MYO16: variants seen among roughly 807,000 people sequenced by gnomAD.
MYO16 encodes the protein myosin XVI.
Under a neutral mutation model 205.3 loss-of-function variants are expected in MYO16, and 94 were observed. The ratio of observed to expected loss-of-function variants is 0.46; its 90% CI spans 0.39 to 0.54. The LOEUF (loss-of-function observed/expected upper bound fraction) is 0.54, where lower values mean the gene tolerates loss of function less well. MYO16 is among the 20% of genes least tolerant of loss of function. The pLI, the probability that MYO16 is intolerant of heterozygous loss-of-function variation, is 0.00. For missense variants in MYO16, 2,315 were observed against 2,387.5 expected (o/e 0.97, Z 0.63); for synonymous variants, 988 against 954.0 (o/e 1.04, Z -0.66).
chr13:108,825,534 A>T (rs1765817), intron 9 of MYO16, among the ~76,000 whole-genome samples: 4,228 of 152,008 alleles, frequency 0.028, 180 homozygotes, highest in African/African-American at 0.094. Flanking sequence ...TCACCAGCTC[A>T]GTTCAACATT....
At chr13:108,863,981 A>G (rs1878580661) in intron 11 of MYO16, among the ~76,000 whole-genome samples, 1 of 152,152 alleles carries the variant, frequency 6.6e-6, no homozygotes. Flanking sequence ...TCATAATACC[A>G]TCTTCATCTG....
chr13:108,670,034 T>C (rs1019121406), intron 2 of MYO16, among the ~76,000 whole-genome samples: 4 of 152,188 alleles, frequency 2.6e-5, no homozygotes, highest in African/African-American at 7.2e-5. Context: ...GGCATATGTA[T>C]ACCTATGTAA....
rs1158879237 is a variant in MYO16 at position 108,972,249 on chromosome 13, CTATATATA to C, written c.2369+7371_2369+7378del. Among the ~76,000 whole-genome samples, 12 of 2,850 alleles carry C rather than the reference CTATATATA, an allele frequency of 4.2e-3. 1 individual carries two copies. Among genetic ancestry groups the C allele is most frequent in the South Asian group, 0.014 (1 of 70 alleles). The allele number at this position is 2,850 out of a possible 152,430, so 1.9% of individuals were successfully genotyped here. On this transcript the variant is annotated intron_variant, in intron 20 of 34. Transcript: ENST00000457511. ...TCTCTCTCTCTCTCTCTCTCTCTCTCTATATATATATATATATATATATATATATATTT... is the reference window on the plus strand; with the variant it reads ...TCTCTCTCTCTCTCTCTCTCTCTCTCTATATATATATATATATATATATTT...
At chr13:108,822,065 A>G (rs1876003916) in intron 8 of MYO16, among the ~76,000 whole-genome samples, 1 of 152,216 alleles carries the variant, frequency 6.6e-6, no homozygotes, top group Admixed American at 6.5e-5. Context: ...GCAAGAATAG[A>G]GCAGAGAACA....
intron 17 of MYO16, among the ~76,000 whole-genome samples, chr13:108,960,702 C>T (rs1201818149): frequency 1.3e-5 from 2 of 152,174 alleles, no homozygotes; most frequent in Non-Finnish European, 1.5e-5. Context: ...TTGCCCTTCA[C>T]GGGGCTCAAC....
intron 16 of MYO16, among the ~76,000 whole-genome samples, chr13:108,957,418 T>C: frequency 6.8e-6 from 1 of 147,434 alleles, no homozygotes; most frequent in Admixed American, 6.8e-5. Flanking sequence ...CATGAATCAC[T>C]TGTGACCTTC....
the MYO16 span, among the ~76,000 whole-genome samples, chr13:108,581,138 A>G: frequency 1.1e-5 from 1 of 92,532 alleles, no homozygotes; most frequent in African/African-American, 3.0e-5. Context: ...ACATTTTAGG[A>G]TATTATTTTT....
chr13:108,768,142 T>C (rs1367124310), intron 4 of MYO16, among the ~76,000 whole-genome samples: 1 of 152,208 alleles, frequency 6.6e-6, no homozygotes, highest in Non-Finnish European at 1.5e-5. Flanking sequence ...CTTTTCACTA[T>C]GCCATGTGTC....
intron 4 of MYO16, among the ~76,000 whole-genome samples, chr13:108,783,102 A>C (rs951777626): frequency 6.6e-6 from 1 of 152,100 alleles, no homozygotes; most frequent in African/African-American, 2.4e-5. Flanking sequence ...GACAGCTTGC[A>C]CCATGAGCCT....
At chr13:109,084,520 A>T (rs1458815985) in intron 27 of MYO16, among the ~76,000 whole-genome samples, 1 of 152,070 alleles carries the variant, frequency 6.6e-6, no homozygotes, top group African/African-American at 2.4e-5. Flanking sequence ...GCCATACATC[A>T]CTCGTGTATA....
intron 2 of MYO16, among the ~76,000 whole-genome samples, chr13:108,676,181 A>G (rs183148453): frequency 1.3e-5 from 2 of 152,306 alleles, no homozygotes; most frequent in East Asian, 1.9e-4. Flanking sequence ...TCATATTTTA[A>G]ATTATGATAA....
intron 9 of MYO16, among the ~76,000 whole-genome samples, chr13:108,824,471 G>C (rs1485967463): frequency 6.6e-6 from 1 of 152,090 alleles, no homozygotes; most frequent in Admixed American, 6.6e-5. Context: ...CAGAGGTAGT[G>C]TTGTGGTTGC....
chr13:108,907,310 A>G (rs559979653), intron 15 of MYO16, among the ~76,000 whole-genome samples: 1 of 152,332 alleles, frequency 6.6e-6, no homozygotes, highest in African/African-American at 2.4e-5. Flanking sequence ...ACTTTTTGGA[A>G]CGCATATATG....
chr13:108,689,562 T>C (rs2139489899), intron 2 of MYO16, among the ~76,000 whole-genome samples: 1 of 152,340 alleles, frequency 6.6e-6, no homozygotes, highest in African/African-American at 2.4e-5. Flanking sequence ...GCAATTATCA[T>C]ATTTAGTAAG....
At chr13:108,726,606 T>C (rs958245785) in intron 3 of MYO16, among the ~76,000 whole-genome samples, 6 of 150,878 alleles carry the variant, frequency 4.0e-5, no homozygotes, top group Non-Finnish European at 3.0e-5. Context: ...ATAAAAGGAC[T>C]GGATGATTTG....
At chr13:108,874,167 C>A (rs1423722746) in intron 12 of MYO16, among the ~76,000 whole-genome samples, 1 of 151,342 alleles carries the variant, frequency 6.6e-6, no homozygotes, top group East Asian at 1.9e-4. Context: ...CCCTAATTGG[C>A]AAGTCAAGAG....
At chr13:108,699,696 A>G (rs997691509) in intron 2 of MYO16, among the ~76,000 whole-genome samples, 2 of 152,196 alleles carry the variant, frequency 1.3e-5, no homozygotes, top group Non-Finnish European at 2.9e-5. Flanking sequence ...CCGCCAGACA[A>G]TTTGTACCAC....
At chr13:108,835,490 G>A (rs432985) in intron 9 of MYO16, among the ~76,000 whole-genome samples, 90,655 of 152,020 alleles carry the variant, frequency 0.6, 28,281 homozygotes, top group Middle Eastern at 0.72. Context: ...CAGTAAATAT[G>A]TACTGGGAGT....
At chr13:108,900,626 A>G (rs1444715543) in intron 15 of MYO16, among the ~76,000 whole-genome samples, 2 of 152,156 alleles carry the variant, frequency 1.3e-5, no homozygotes, top group Non-Finnish European at 2.9e-5. Flanking sequence ...GTGATTTCCT[A>G]TGCCTGTCTT....
Sources: gnomAD v4.1 joint callset for allele counts (sites outside exome capture counted in the v4.1 genomes callset) on GRCh38, gnomAD v4.1.1 for gene constraint, MANE v1.5 for transcripts, NCBI Gene and HGNC (gene_info 2026-07-23, HGNC 2026-07-21) for gene names.